NAA16: variants seen among roughly 807,000 people sequenced by gnomAD.
The protein encoded by NAA16 is NARG1-like protein.
NAA16 carries 97 observed loss-of-function variants against 110.3 expected under a neutral mutation model. The ratio of observed to expected loss-of-function variants is 0.88; its 90% CI spans 0.75 to 1.04. The LOEUF (loss-of-function observed/expected upper bound fraction) is 1.04, where lower values mean the gene tolerates loss of function less well. Among genes scored for constraint, NAA16 ranks in the 50% least tolerant of loss-of-function variants. NAA16 has a pLI of 0.00. For missense variants in NAA16, 1,017 were observed against 1,005.1 expected, an observed-to-expected ratio of 1.01 and a Z score of -0.16; for synonymous variants, 372 against 330.6, an observed-to-expected ratio of 1.13 and a Z score of -1.36.
intron 9 of NAA16, among the ~76,000 whole-genome samples, chr13:41,339,193 T>A (rs9590587): frequency 2.0e-5 from 3 of 152,044 alleles, no homozygotes; most frequent in East Asian, 1.9e-4. Context: ...CAGGCTGGAG[T>A]GCAATGGCAT....
rs942818667 is a variant in NAA16, at chr13:41,311,312, G to T, written c.-217G>T. Reference sequence around the variant, plus strand: ...CCGCCGCCGCTGGCCAAAAAGCGGAGCCCAGGGGAAGCGTGTCCTGCTCAG... The same window carrying T: ...CCGCCGCCGCTGGCCAAAAAGCGGATCCCAGGGGAAGCGTGTCCTGCTCAG... On this transcript the variant is annotated 5_prime_UTR_variant, in exon 1 of 20. Coordinates refer to ENST00000379406, the MANE Select transcript of NAA16 (RefSeq NM_024561.5). 3.6e-6 allele frequency: 2 copies of T among 551,624 alleles called. No homozygotes were observed. Among genetic ancestry groups the T allele is most frequent in the Admixed American group, 7.4e-5 (2 of 26,952 alleles). The allele number at this position is 551,624 out of a possible 1,614,324, so 34.2% of individuals were successfully genotyped here.
intron 1 of NAA16, among the ~76,000 whole-genome samples, chr13:41,312,086 G>C (rs1436349395): frequency 6.6e-6 from 1 of 152,242 alleles, no homozygotes; most frequent in Non-Finnish European, 1.5e-5. Flanking sequence ...CTGGTTACGA[G>C]GAAATAAAAC....
chr13:41,364,419 G>T (rs538732313), intron 13 of NAA16, among the ~76,000 whole-genome samples: 2 of 152,074 alleles, frequency 1.3e-5, no homozygotes, highest in Admixed American at 1.3e-4. Context: ...AGATTTTAGG[G>T]TTTATATTTT....
intron 7 of NAA16, among the ~76,000 whole-genome samples, chr13:41,329,573 C>A (rs73457527): frequency 6.7e-6 from 1 of 149,424 alleles, no homozygotes; most frequent in African/African-American, 2.5e-5. Context: ...TACCCACATT[C>A]ATTTATAGTA....
chr13:41,357,587 T>C (rs1319416462), intron 10 of NAA16, among the ~76,000 whole-genome samples: 2 of 152,168 alleles, frequency 1.3e-5, no homozygotes, highest in African/African-American at 4.8e-5. Context: ...TTTGATGTAG[T>C]GTGGGTATAT....
Position 41,320,701 on chromosome 13 carries a change from T to G in NAA16, c.279T>G (p.Asp93Glu). 1 of 1,612,068 alleles carries G rather than the reference T, an allele frequency of 6.2e-7. No homozygotes were observed. The highest frequency in any genetic ancestry group is 8.5e-7 in the Non-Finnish European group (1 of 1,179,690). Residue 93 changes from aspartate (D) to glutamate (E), a missense_variant, in exon 4 of 20, where the codon GAT (aspartate) becomes GAG (glutamate). By Grantham distance (45) the Asp-to-Glu change is conservative (BLOSUM62 2). Transcript: ENST00000379406. The stretch of plus-strand genomic sequence containing the variant: ...TATATGGACTCTTGCAGCGTTCTGA[T>G]AAAAAATATGATGAAGCTATAAAAT... ...WHVYGLLQRS[D>E]KKYDEAIKCY...
intron 10 of NAA16, 113 bp downstream of exon 10, chr13:41,355,329 G>T: frequency 1.6e-6 from 1 of 609,532 alleles, no homozygotes; most frequent in Non-Finnish European, 2.8e-6. Context: ...TTAATAAATG[G>T]CTTTCAAATT....
At chr13:41,316,085 A>G (rs1232012834) in intron 1 of NAA16, among the ~76,000 whole-genome samples, 2 of 152,106 alleles carry the variant, frequency 1.3e-5, no homozygotes, top group Non-Finnish European at 2.9e-5. Context: ...AAGGGAAACA[A>G]AATAAAAAAT....
At chr13:41,374,975 A>G (rs983398971) in intron 19 of NAA16, 136 bp downstream of exon 19, 1 of 609,526 alleles carries the variant, frequency 1.6e-6, no homozygotes, top group Non-Finnish European at 2.9e-6. Flanking sequence ...TGAGATGCGT[A>G]ACTTTAGGCA....
At chr13:41,314,745 C>T (rs1047189690) in intron 1 of NAA16, among the ~76,000 whole-genome samples, 3 of 152,110 alleles carry the variant, frequency 2.0e-5, no homozygotes, top group African/African-American at 7.2e-5. Context: ...AATCCCAGCA[C>T]TTTGGGAGGC....
chr13:41,335,320 G>T (rs1186818497), intron 8 of NAA16, among the ~76,000 whole-genome samples: 1 of 152,188 alleles, frequency 6.6e-6, no homozygotes, highest in Non-Finnish European at 1.5e-5. Context: ...CTTGAGGTCA[G>T]TGATGGTATT....
intron 6 of NAA16, 62 bp from the exon 7 acceptor site, chr13:41,328,662 G>C (rs2042155396): frequency 7.3e-7 from 1 of 1,372,292 alleles, no homozygotes; most frequent in African/African-American, 1.5e-5. Context: ...GTTTAGTGAA[G>C]TCCCTGGGGT....
At chr13:41,315,338 A>C (rs921437900) in intron 1 of NAA16, among the ~76,000 whole-genome samples, 2 of 152,168 alleles carry the variant, frequency 1.3e-5, no homozygotes, top group Non-Finnish European at 2.9e-5. Flanking sequence ...TGAACAATGT[A>C]AGCCAGGGAA....
chr13:41,355,549 C>A (rs550997851), intron 10 of NAA16, among the ~76,000 whole-genome samples: 4 of 152,272 alleles, frequency 2.6e-5, no homozygotes, highest in African/African-American at 9.6e-5. Context: ...CCTGCCTTAG[C>A]CTTCTGAGTA....
intron 19 of NAA16, 101 bp from the exon 20 acceptor site, chr13:41,375,304 C>A: frequency 1.3e-6 from 1 of 754,226 alleles, no homozygotes; most frequent in Non-Finnish European, 2.1e-6. Context: ...TAGACTGAGG[C>A]AGCTTTCTCA....
chr13:41,323,366 T>C (rs80011473), intron 5 of NAA16, among the ~76,000 whole-genome samples, 176 bp downstream of exon 5: 30 of 151,846 alleles, frequency 2.0e-4, no homozygotes, highest in East Asian at 7.7e-4. Context: ...TTTTTTTTTT[T>C]CCGAGACGGA....
rs565704926 is a variant in NAA16 at position 41,367,658 on chromosome 13, T to A, written c.1753+6T>A. On this transcript the variant is annotated splice_donor_region_variant and intron_variant, in intron 14 of 19. Transcript: ENST00000379406. Reference sequence around the variant, plus strand: ...ACAACAAGAAATAAACTCAGGTAACTGAATAGGAACTTAAAAGATTTTAAA... The same window carrying A: ...ACAACAAGAAATAAACTCAGGTAACAGAATAGGAACTTAAAAGATTTTAAA... 2 of 1,583,686 alleles carry A rather than the reference T, an allele frequency of 1.3e-6. No individual in the cohort carries two copies. Among genetic ancestry groups the A allele is most frequent in the Non-Finnish European group, 1.7e-6 (2 of 1,158,582 alleles).
At chr13:41,333,061 A>G (rs2042282429) in intron 8 of NAA16, among the ~76,000 whole-genome samples, 1 of 152,082 alleles carries the variant, frequency 6.6e-6, no homozygotes, top group Admixed American at 6.6e-5. Flanking sequence ...TCTTCAGCCA[A>G]GTAAGTTTGG....
intron 9 of NAA16, among the ~76,000 whole-genome samples, chr13:41,348,022 T>C (rs928999728): frequency 6.6e-6 from 1 of 152,142 alleles, no homozygotes; most frequent in Non-Finnish European, 1.5e-5. Flanking sequence ...CAACTCCTAG[T>C]TTATTGTGCA....
Sources: allele counts gnomAD v4.1 joint callset (sites outside exome capture counted in the v4.1 genomes callset), GRCh38; gene constraint gnomAD v4.1.1; transcripts MANE v1.5; gene names NCBI Gene and HGNC (gene_info 2026-07-23, HGNC 2026-07-21).